Variants in LINGO1 observed in about 807,000 individuals in gnomAD.
LINGO1 encodes the protein leucine rich repeat and Ig domain containing 1.
A neutral mutation model predicts 37.3 loss-of-function variants in LINGO1; 11 were observed. The ratio of observed to expected loss-of-function variants is 0.29; its 90% confidence interval spans 0.19 to 0.49. The LOEUF is 0.49. Ranked by LOEUF, LINGO1 falls within the 20% of genes least tolerant of loss-of-function variation. The pLI is 0.99. For missense variants in LINGO1, 585 were observed against 878.2 expected, an observed-to-expected ratio of 0.67 and a Z score of 4.22; for synonymous variants, 387 against 403.0, an observed-to-expected ratio of 0.96 and a Z score of 0.48.
intron 3 of LINGO1, among the ~76,000 whole-genome samples, chr15:77,652,553 T>C (rs1030824884): frequency 8.4e-5 from 12 of 143,260 alleles, no homozygotes; most frequent in African/African-American, 3.1e-4. Context: ...GGAAATCACA[T>C]TTCCCTGTGT....
chr15:77,689,352 G>A (rs1360167138), intron 2 of LINGO1, among the ~76,000 whole-genome samples: 1 of 152,202 alleles, frequency 6.6e-6, no homozygotes, highest in East Asian at 1.9e-4. Flanking sequence ...CGGAACTGTC[G>A]AGGCTGGGAC....
At chr15:77,715,416 G>C (rs2075972179) in intron 2 of LINGO1, among the ~76,000 whole-genome samples, 1 of 152,200 alleles carries the variant, frequency 6.6e-6, no homozygotes, top group Non-Finnish European at 1.5e-5. Flanking sequence ...CTGAGAGGTA[G>C]TGAGCTCCCT....
At chr15:77,728,293 C>T (rs533017148) in intron 2 of LINGO1, among the ~76,000 whole-genome samples, 43 of 152,396 alleles carry the variant, frequency 2.8e-4, no homozygotes, top group Middle Eastern at 6.8e-3. Context: ...CATGGACATG[C>T]CACATGCCCA....
At chr15:77,664,712 G>C (rs1305813681) in intron 3 of LINGO1, among the ~76,000 whole-genome samples, 1 of 152,202 alleles carries the variant, frequency 6.6e-6, no homozygotes. Flanking sequence ...GGCTGGCCTT[G>C]TCCCCAGGAG....
chr15:77,757,799 C>T (rs567056018), intron 1 of LINGO1, among the ~76,000 whole-genome samples: 2 of 152,284 alleles, frequency 1.3e-5, no homozygotes, highest in African/African-American at 4.8e-5. Context: ...CTGGAATGCC[C>T]CAGAACAGGG....
At chr15:77,642,695 G>A (rs958114323) in intron 3 of LINGO1, among the ~76,000 whole-genome samples, 3 of 152,238 alleles carry the variant, frequency 2.0e-5, no homozygotes, top group African/African-American at 7.2e-5. Context: ...GCTGGGACCG[G>A]CACTTGGGCT....
chr15:77,640,405 C>T (rs753039094), intron 3 of LINGO1, among the ~76,000 whole-genome samples: 1 of 152,128 alleles, frequency 6.6e-6, no homozygotes, highest in Non-Finnish European at 1.5e-5. Flanking sequence ...GGACAGACAA[C>T]GGGTGAGGTT....
intron 1 of LINGO1, among the ~76,000 whole-genome samples, chr15:77,746,689 G>A (rs1257823124): frequency 1.3e-5 from 2 of 152,158 alleles, no homozygotes; most frequent in African/African-American, 2.4e-5. Flanking sequence ...AGCCAGCCGC[G>A]CCATTGGCAG....
intron 1 of LINGO1, among the ~76,000 whole-genome samples, chr15:77,626,407 G>T (rs958342539): frequency 6.6e-6 from 1 of 152,188 alleles, no homozygotes; most frequent in Non-Finnish European, 1.5e-5. Flanking sequence ...CTCTCTCCTA[G>T]CCCTGGCAGT....
chr15:77,715,145 A>G (rs2075968298), intron 2 of LINGO1, among the ~76,000 whole-genome samples: 1 of 152,148 alleles, frequency 6.6e-6, no homozygotes. Flanking sequence ...GGATGTGGCA[A>G]TGCGACACTT....
chr15:77,732,327 A>G (rs2076161203), intron 2 of LINGO1, among the ~76,000 whole-genome samples: 1 of 152,222 alleles, frequency 6.6e-6, no homozygotes, highest in Admixed American at 6.5e-5. Flanking sequence ...CAGCAGACAC[A>G]TTCTGACCTT....
chr15:77,762,322 G>A (rs2076485818), intron 1 of LINGO1, among the ~76,000 whole-genome samples: 1 of 152,248 alleles, frequency 6.6e-6, no homozygotes, highest in South Asian at 2.1e-4. Flanking sequence ...GCTACGCTCA[G>A]AGACTCAAAT....
intron 3 of LINGO1, among the ~76,000 whole-genome samples, chr15:77,646,130 G>A (rs2074621814): frequency 2.0e-5 from 3 of 152,228 alleles, no homozygotes; most frequent in South Asian, 2.1e-4. Context: ...CAGCTGCCAA[G>A]GGGCAAATAC....
At chr15:77,615,987 C>T (rs1323986308) in intron 1 of LINGO1, 87 bp from the exon 2 acceptor site, 2 of 971,206 alleles carry the variant, frequency 2.1e-6, no homozygotes, top group South Asian at 1.9e-5. Flanking sequence ...TGGGCCCCTC[C>T]TGCCCTGTCA....
intron 2 of LINGO1, among the ~76,000 whole-genome samples, chr15:77,720,202 A>C (rs912703229): frequency 1.3e-5 from 2 of 151,886 alleles, no homozygotes; most frequent in Non-Finnish European, 2.9e-5. Flanking sequence ...CCCACATGTA[A>C]TTTTTCTTAA....
intron 1 of LINGO1, among the ~76,000 whole-genome samples, chr15:77,764,454 G>GTT (rs1365419443): frequency 6.6e-6 from 1 of 152,136 alleles, no homozygotes; most frequent in African/African-American, 2.4e-5. Flanking sequence ...CAAAAAAACT[G>GTT]TTTCCAGGCT....
chr15:77,688,742 G>A (rs1244632676), intron 2 of LINGO1, among the ~76,000 whole-genome samples: 4 of 152,228 alleles, frequency 2.6e-5, no homozygotes, highest in Non-Finnish European at 5.9e-5. Flanking sequence ...AGCACATGCT[G>A]AAAAACAAAG....
At chr15:77,681,663 G>C (rs76672148) in intron 2 of LINGO1, among the ~76,000 whole-genome samples, 1,611 of 152,248 alleles carry the variant, frequency 0.011, 34 homozygotes, top group African/African-American at 0.036. Flanking sequence ...GGTGTGGGGG[G>C]GCTGAAAACA....
chr15:77,643,486 G>A (rs372604848), intron 3 of LINGO1, among the ~76,000 whole-genome samples: 29 of 152,334 alleles, frequency 1.9e-4, no homozygotes, highest in African/African-American at 6.3e-4. Flanking sequence ...ATGGGGCATC[G>A]GGGTTGGATG....
Sources: gnomAD v4.1 joint callset for allele counts (sites outside exome capture counted in the v4.1 genomes callset) on GRCh38, gnomAD v4.1.1 for gene constraint, MANE v1.5 for transcripts, NCBI Gene and HGNC (gene_info 2026-07-23, HGNC 2026-07-21) for gene names.